The following XPO7 variants were observed in gnomAD, a reference collection of about 807,000 sequenced individuals.
The protein encoded by XPO7 is exportin 7, also known as exportin-7.
XPO7 carries 21 observed loss-of-function variants against 144.3 expected under a neutral mutation model. The observed-to-expected ratio is 0.15, with a 90% CI of 0.10 to 0.21. The LOEUF (loss-of-function observed/expected upper bound fraction) is 0.21, where lower values mean the gene tolerates loss of function less well. Ranked by LOEUF, XPO7 falls within the 10% of genes least tolerant of loss-of-function variation. The pLI is 1.00. For missense variants in XPO7, 808 were observed against 1,325.8 expected (o/e 0.61, Z 6.06); for synonymous variants, 580 against 499.6 (o/e 1.16, Z -2.15).
In XPO7 at chr8:21,919,766, G is replaced by A. The variant is rs1810199963; in HGVS notation, c.-5G>A. 1.7e-6 allele frequency: 1 copy of A among 590,070 alleles called. No individual in the cohort carries two copies. The highest frequency in any genetic ancestry group is 2.4e-6 in the Non-Finnish European group (1 of 422,110). 36.6% of individuals were successfully genotyped at this position (590,070 alleles called of 1,614,324 possible). ...GGGGCCGGAGAGGAGCATGAATGGA[G>A]CAAAATGGCGGATCATGTGCAGGTG... On this transcript the variant is annotated 5_prime_UTR_variant, in exon 1 of 28. Transcript: ENST00000252512.
In XPO7 at chr8:21,964,036, G is replaced by C. The variant is rs370076596; in HGVS notation, c.19-2821G>C. The C allele has an allele frequency of 4.6e-5, 7 of 152,140 alleles. No homozygotes were observed. In the East Asian group the frequency reaches 1.2e-3, roughly 25 times the overall value. 9.4% of individuals were successfully genotyped at this position (152,140 alleles called of 1,614,324 possible). ...TGTTGGTAAAATCGGTCTGGTTCTA[G>C]GTTTGGGAATTAATCCTCATGAGTT... is the stretch of plus-strand genomic sequence containing the variant. On this transcript the variant is annotated intron_variant, in intron 1 of 27. Coordinates refer to ENST00000252512, the MANE Select transcript of XPO7 (RefSeq NM_015024.5).
intron 15 of XPO7, chr8:21,988,370 A>C (rs567205495): frequency 1.3e-5 from 2 of 155,774 alleles, no homozygotes; most frequent in South Asian, 3.9e-4. Context: ...TGGAGCTCCT[A>C]ATTGGCCCTT....
At chr8:21,995,258 C>A (rs1812908411) in intron 20 of XPO7, among the ~76,000 whole-genome samples, 1 of 152,038 alleles carries the variant, frequency 6.6e-6, no homozygotes, top group South Asian at 2.1e-4. Flanking sequence ...TCATGCTCTT[C>A]AGAAGAAAGG....
chr8:22,002,364 ACATCT>A, intron 25 of XPO7, 92 bp downstream of exon 25: 1 of 1,432,014 alleles, frequency 7.0e-7, no homozygotes, highest in Non-Finnish European at 9.4e-7. Flanking sequence ...GATTAACATG[ACATCT>A]CATCAGGTTC....
At chr8:21,974,873 G>C (rs760935839) in intron 6 of XPO7, 99 bp downstream of exon 6, 1 of 953,826 alleles carries the variant, frequency 1.0e-6, no homozygotes, top group East Asian at 2.7e-5. Context: ...TCCCACGAGA[G>C]TTTATGCATC....
chr8:21,935,158 T>C lies in XPO7; in HGVS notation c.18+15370T>C, dbSNP rs573472340. Among the ~76,000 whole-genome samples the C allele has an allele frequency of 9.2e-5, 14 of 152,350 alleles. No homozygotes were observed. The South Asian group carries it at 2.9e-3, about 32-fold the overall frequency. On this transcript the variant is annotated intron_variant, in intron 1 of 27. Coordinates refer to ENST00000252512, the MANE Select transcript of XPO7 (RefSeq NM_015024.5). ...TTACTGCTCTGGGTTTTAGTTCTAT[T>C]AGGTTTGGGCCCTAATTGATTTTGA...
intron 1 of XPO7, among the ~76,000 whole-genome samples, chr8:21,932,115 C>T (rs915673155): frequency 6.6e-6 from 1 of 152,130 alleles, no homozygotes; most frequent in African/African-American, 2.4e-5. Flanking sequence ...CTCAGGTGAT[C>T]CGCACGCCTC....
rs1367488557 is a variant in XPO7, at chr8:21,977,788, C to T, written c.782C>T (p.Thr261Ile). The T allele has an allele frequency of 6.2e-7, 1 of 1,613,956 alleles. No individual in the cohort carries two copies. The highest frequency in any genetic ancestry group is 1.1e-5 in the South Asian group (1 of 91,066). ...SWRSAFLDSS[T>I]LQLFFDLYHS... ...TCCCCAGCCTTCTTAGATTCTTCAACCTTGCAGCTGTTTTTTGACCTGTAT... is the reference window on the plus strand; with the variant it reads ...TCCCCAGCCTTCTTAGATTCTTCAATCTTGCAGCTGTTTTTTGACCTGTAT... Residue 261 changes from threonine (T) to isoleucine (I), a missense_variant, in exon 8 of 28, where the codon ACC becomes ATC. Coordinates refer to ENST00000252512, the MANE Select transcript of XPO7 (RefSeq NM_015024.5).
chr8:21,980,412 AG>A (rs1812365865), intron 9 of XPO7, among the ~76,000 whole-genome samples: 1 of 152,224 alleles, frequency 6.6e-6, no homozygotes, highest in East Asian at 1.9e-4. Flanking sequence ...TAGGAGTTAC[AG>A]GAAAGAATCA....
intron 17 of XPO7, 102 bp from the exon 18 acceptor site, chr8:21,990,709 T>A: frequency 8.4e-7 from 1 of 1,194,890 alleles, no homozygotes; most frequent in Non-Finnish European, 1.2e-6. Context: ...AATGACTACA[T>A]AACCATTGGC....
intron 6 of XPO7, 42 bp downstream of exon 6, chr8:21,974,816 A>C: frequency 6.9e-7 from 1 of 1,455,734 alleles, no homozygotes; most frequent in Non-Finnish European, 9.4e-7. Context: ...TTTCTTTTGA[A>C]AGAATGAGAA....
At chr8:21,990,438 T>C (rs1812732998) in intron 17 of XPO7, 31 bp downstream of exon 17, 1 of 1,610,884 alleles carries the variant, frequency 6.2e-7, no homozygotes, top group Non-Finnish European at 8.5e-7. Context: ...TTCCTGGCCC[T>C]CCTACCACCC....
chr8:21,982,972 A>G (rs1340834274), intron 11 of XPO7, among the ~76,000 whole-genome samples, 160 bp downstream of exon 11: 2 of 152,264 alleles, frequency 1.3e-5, no homozygotes, highest in African/African-American at 4.8e-5. Flanking sequence ...GCATGAGAGC[A>G]TAAAGCCTGA....
intron 1 of XPO7, among the ~76,000 whole-genome samples, chr8:21,953,976 A>G (rs1194362456): frequency 2.0e-5 from 3 of 152,196 alleles, no homozygotes; most frequent in Non-Finnish European, 4.4e-5. Context: ...AGCAAATTAG[A>G]TTCTGTTTGT....
At chr8:21,933,311 A>G (rs935148759) in intron 1 of XPO7, among the ~76,000 whole-genome samples, 3 of 152,092 alleles carry the variant, frequency 2.0e-5, no homozygotes, top group African/African-American at 7.2e-5. Flanking sequence ...CATGTTAGCC[A>G]GGATGGTCTT....
At chr8:21,953,779 T>C (rs1811449208) in intron 1 of XPO7, among the ~76,000 whole-genome samples, 1 of 152,240 alleles carries the variant, frequency 6.6e-6, no homozygotes, top group Non-Finnish European at 1.5e-5. Flanking sequence ...AACCATCTTT[T>C]CATATGCTTA....
In XPO7 at chr8:21,966,151, A is replaced by T. The variant is rs187385885; in HGVS notation, c.19-706A>T. The T allele has an allele frequency of 2.0e-5, 13 of 645,704 alleles. No individual in the cohort carries two copies. The East Asian group carries it at 3.5e-4, about 18-fold the overall frequency. 40.0% of individuals were successfully genotyped at this position (645,704 alleles called of 1,614,324 possible). ...AACTGGTTCAAGATTTGGAGAGAAG[A>T]GTTTGCTTGTGGGTGTTTCCCTTGT... On this transcript the variant is annotated intron_variant, in intron 1 of 27. Transcript: ENST00000252512.
chr8:21,981,812 G>A lies in XPO7; in HGVS notation c.1039G>A (p.Val347Ile). Residue 347 changes from valine (V) to isoleucine (I), a missense_variant, in exon 10 of 28, where the codon GTA (valine) becomes ATA (isoleucine). Around this residue, in one of 5 missense-constraint regions of XPO7, gnomAD observed 26 missense variants for 85.8 expected, o/e 0.30. Coordinates refer to ENST00000252512, the MANE Select transcript of XPO7 (RefSeq NM_015024.5). ...GAGTAACTATCAACTGGGAGAATTGGTAAAGGTGGAAAACTACCCTGAGGT... is the reference window on the plus strand; with the variant it reads ...GAGTAACTATCAACTGGGAGAATTGATAAAGGTGGAAAACTACCCTGAGGT... ...LKSNYQLGEL[V>I]KVENYPEVIR... is the part of the protein sequence containing the mutation. The A allele has an allele frequency of 1.2e-6, 2 of 1,613,966 alleles. No individual in the cohort carries two copies. Among genetic ancestry groups the A allele is most frequent in the Non-Finnish European group, 1.7e-6 (2 of 1,179,880 alleles).
intron 1 of XPO7, among the ~76,000 whole-genome samples, chr8:21,932,613 C>T (rs1057474133): frequency 2.6e-5 from 4 of 151,890 alleles, no homozygotes; most frequent in African/African-American, 9.7e-5. Context: ...ATAAGGAGGG[C>T]CAAAAAGCTT....
Sources: allele counts gnomAD v4.1 joint callset (sites outside exome capture counted in the v4.1 genomes callset), GRCh38; gene constraint gnomAD v4.1.1; regional missense constraint gnomAD v4.1.1; transcripts MANE v1.5; gene names NCBI Gene and HGNC (gene_info 2026-07-23, HGNC 2026-07-21).